CADM1: variants seen among roughly 807,000 people sequenced by gnomAD.
The protein encoded by CADM1 is cell adhesion molecule 1, also known as TSLC-1.
A neutral mutation model predicts 53.1 loss-of-function variants in CADM1; 15 were observed. The ratio of observed to expected loss-of-function variants is 0.28; its 90% CI spans 0.19 to 0.44. CADM1 has a LOEUF of 0.44. Ranked by LOEUF, CADM1 falls within the 20% of genes least tolerant of loss-of-function variation. The probability of loss-of-function intolerance (pLI) is 1.00; values close to 1 mark genes in which losing one functional copy is unlikely to be tolerated. For synonymous variants in CADM1, 281 were observed against 243.0 expected (o/e 1.16, Z -1.45); for missense variants, 434 against 611.3 (o/e 0.71, Z 3.06).
At chr11:115,365,694 T>C (rs922842510) in intron 1 of CADM1, among the ~76,000 whole-genome samples, 13 of 152,108 alleles carry the variant, frequency 8.5e-5, no homozygotes, top group African/African-American at 3.1e-4. Flanking sequence ...AGTAACTTTT[T>C]AATTACCTCA....
chr11:115,446,841 C>T (rs1027579171), intron 1 of CADM1, among the ~76,000 whole-genome samples: 3 of 152,104 alleles, frequency 2.0e-5, no homozygotes, highest in Non-Finnish European at 4.4e-5. Context: ...GAAAAAGTAA[C>T]ATTTCAAATA....
At chr11:115,186,641 TGGAGA>T (rs1346210920) in intron 10 of CADM1, among the ~76,000 whole-genome samples, 3 of 152,164 alleles carry the variant, frequency 2.0e-5, no homozygotes, top group Non-Finnish European at 2.9e-5. Flanking sequence ...CATTTATAAA[TGGAGA>T]CCAAGAGCCC....
intron 1 of CADM1, among the ~76,000 whole-genome samples, chr11:115,419,356 A>G (rs1002581694): frequency 1.3e-5 from 2 of 152,210 alleles, no homozygotes; most frequent in Non-Finnish European, 1.5e-5. Context: ...ACTTTAGAAA[A>G]CATTTCTTCC....
At chr11:115,179,333 A>C (rs1939200185) in intron 10 of CADM1, among the ~76,000 whole-genome samples, 2 of 152,256 alleles carry the variant, frequency 1.3e-5, no homozygotes, top group Non-Finnish European at 1.5e-5. Flanking sequence ...GGATGTATGA[A>C]GGAGTAAGCC....
chr11:115,501,761 T>C (rs914556631), intron 1 of CADM1, among the ~76,000 whole-genome samples: 6 of 152,212 alleles, frequency 3.9e-5, no homozygotes, highest in South Asian at 2.1e-4. Flanking sequence ...CAGGTTTCTT[T>C]AACCCTGGGA....
intron 1 of CADM1, among the ~76,000 whole-genome samples, chr11:115,323,375 T>C (rs1489713235): frequency 7.2e-5 from 11 of 152,200 alleles, no homozygotes; most frequent in Admixed American, 2.0e-4. Context: ...TAAGTTACTT[T>C]TGATGTTTAA....
rs1487669166 is a variant in CADM1 at position 115,170,124 on chromosome 11, A to G, written c.*6350T>C. 6.4e-6 allele frequency: 1 copy of G among 156,388 alleles called. No homozygotes were observed. The highest frequency in any genetic ancestry group is 1.9e-4 in the East Asian group (1 of 5,320). 9.7% of individuals were successfully genotyped at this position (156,388 alleles called of 1,614,324 possible). On this transcript the variant is annotated 3_prime_UTR_variant, in exon 12 of 12. Transcript: ENST00000331581. The stretch of plus-strand genomic sequence containing the variant: ...TAATTAACCTGAGAAGATAGCACTT[A>G]AGGAAGATTTGAGGCGGTCACGTCT...
In CADM1 at chr11:115,469,669, C is replaced by CTTTTTT. The variant is rs554156174; in HGVS notation, c.124+34596_124+34601dup. ...AACCATACTATCCTCAACTTCTGGG[C>CTTTTTT]TTTTTTTTTTTTTTTTTTTCGAGAC... is the stretch of plus-strand genomic sequence containing the variant. On this transcript the variant is annotated intron_variant, in intron 1 of 11. Transcript: ENST00000331581. Among the ~76,000 whole-genome samples, 10 of 100,466 alleles carry CTTTTTT rather than the reference C, an allele frequency of 1.0e-4. 1 individual carries two copies. The highest frequency in any genetic ancestry group is 1.3e-4 in the Admixed American group (1 of 7,502). The allele number at this position is 100,466 out of a possible 152,430, so 65.9% of individuals were successfully genotyped here.
At chr11:115,210,627 G>C (rs1321609568) in intron 7 of CADM1, among the ~76,000 whole-genome samples, 1 of 152,200 alleles carries the variant, frequency 6.6e-6, no homozygotes, top group Non-Finnish European at 1.5e-5. Flanking sequence ...AAGACGATTT[G>C]AAAGCTTTTG....
intron 1 of CADM1, among the ~76,000 whole-genome samples, chr11:115,402,523 AAAAACAAAAC>A (rs572324634): frequency 7.2e-5 from 11 of 152,188 alleles, no homozygotes; most frequent in Non-Finnish European, 1.0e-4. Context: ...ACTCTGTCTC[AAAAACAAAAC>A]AAAACAAAAC....
chr11:115,477,262 TG>T (rs1264887679), intron 1 of CADM1, among the ~76,000 whole-genome samples: 5 of 152,126 alleles, frequency 3.3e-5, no homozygotes, highest in Non-Finnish European at 5.9e-5. Context: ...TGCATACAGT[TG>T]CATGGATCAT....
At chr11:115,315,512 A>C (rs1400902388) in intron 1 of CADM1, among the ~76,000 whole-genome samples, 1 of 152,156 alleles carries the variant, frequency 6.6e-6, no homozygotes, top group African/African-American at 2.4e-5. Flanking sequence ...ACTTATACAA[A>C]CTCAGAAACT....
At chr11:115,225,316 G>C (rs1234544521) in intron 5 of CADM1, among the ~76,000 whole-genome samples, 1 of 151,030 alleles carries the variant, frequency 6.6e-6, no homozygotes, top group African/African-American at 2.4e-5. Flanking sequence ...ATAAAAAAGG[G>C]GGGGGGACTT....
intron 1 of CADM1, among the ~76,000 whole-genome samples, chr11:115,342,091 T>C (rs1945464217): frequency 6.6e-6 from 1 of 152,098 alleles, no homozygotes; most frequent in Admixed American, 6.6e-5. Flanking sequence ...CAAACAAAAA[T>C]AAATTATGCC....
At chr11:115,237,479 C>T (rs1942050932) in intron 3 of CADM1, among the ~76,000 whole-genome samples, 1 of 152,166 alleles carries the variant, frequency 6.6e-6, no homozygotes, top group Non-Finnish European at 1.5e-5. Context: ...AGTAATGAGG[C>T]AGCAGCTCAA....
At chr11:115,335,270 T>G (rs972811046) in intron 1 of CADM1, among the ~76,000 whole-genome samples, 1 of 152,138 alleles carries the variant, frequency 6.6e-6, no homozygotes, top group African/African-American at 2.4e-5. Context: ...CATCGCGTGT[T>G]AACACAAAGG....
chr11:115,315,985 G>A (rs1363376763), intron 1 of CADM1, among the ~76,000 whole-genome samples: 1 of 152,034 alleles, frequency 6.6e-6, no homozygotes, highest in African/African-American at 2.4e-5. Flanking sequence ...GGTTTAATAT[G>A]GAGCATTCCA....
At chr11:115,371,251 A>G (rs908228102) in intron 1 of CADM1, among the ~76,000 whole-genome samples, 24 of 152,160 alleles carry the variant, frequency 1.6e-4, no homozygotes, top group Non-Finnish European at 2.4e-4. Flanking sequence ...GGTTTATAGC[A>G]TATGCATAAA....
rs557108722 is a variant in CADM1, at chr11:115,483,968, C to T, written c.124+20303G>A. 3.9e-5 allele frequency among the ~76,000 whole-genome samples: 6 copies of T among 152,254 alleles called. No homozygotes were observed. In the South Asian group the frequency reaches 1.2e-3, roughly 32 times the overall value. On this transcript the variant is annotated intron_variant, in intron 1 of 11. Coordinates refer to ENST00000331581, the MANE Select transcript of CADM1 (RefSeq NM_001301043.2). ...GAAAAAGGATGCCAAACTAGCCAGC[C>T]CAGGTTCCAGAGCTCTACTGATCAA... is the stretch of plus-strand genomic sequence containing the variant.
Sources: allele counts gnomAD v4.1 joint callset (sites outside exome capture counted in the v4.1 genomes callset), GRCh38; gene constraint gnomAD v4.1.1; transcripts MANE v1.5; gene names NCBI Gene and HGNC (gene_info 2026-07-23, HGNC 2026-07-21).